RIMS2: variants seen among roughly 807,000 people sequenced by gnomAD.
RIMS2 encodes the protein regulating synaptic membrane exocytosis protein 2.
RIMS2 carries 59 observed loss-of-function variants against 174.4 expected under a neutral mutation model. The observed-to-expected ratio is 0.34, with a 90% confidence interval of 0.27 to 0.42. The LOEUF is 0.42. RIMS2 is among the 10% of genes least tolerant of loss of function. The pLI is 1.00. For missense variants in RIMS2, 1,620 were observed against 1,666.3 expected (o/e 0.97, Z 0.48); for synonymous variants, 606 against 572.5 (o/e 1.06, Z -0.84).
chr8:104,246,428 A>G (rs1198870250), intron 20 of RIMS2, among the ~76,000 whole-genome samples: 1 of 151,758 alleles, frequency 6.6e-6, no homozygotes, highest in Non-Finnish European at 1.5e-5. Flanking sequence ...ATGGTTCTAG[A>G]TGCTAGAGAT....
intron 19 of RIMS2, among the ~76,000 whole-genome samples, chr8:104,184,526 T>A (rs943313276): frequency 2.0e-5 from 3 of 151,568 alleles, no homozygotes; most frequent in African/African-American, 7.2e-5. Context: ...GAAATATGTC[T>A]TGCTTGATTC....
At chr8:103,981,946 A>T (rs555600589) in intron 16 of RIMS2, among the ~76,000 whole-genome samples, 5 of 152,202 alleles carry the variant, frequency 3.3e-5, no homozygotes, top group African/African-American at 1.2e-4. Flanking sequence ...AGAAAACAAT[A>T]CAAAAGATCA....
chr8:104,119,440 T>C (rs2098337611), intron 19 of RIMS2, among the ~76,000 whole-genome samples: 1 of 152,134 alleles, frequency 6.6e-6, no homozygotes, highest in Non-Finnish European at 1.5e-5. Flanking sequence ...TTTATATATA[T>C]GGCAGTTAAG....
At chr8:104,101,091 T>A (rs1566397467) in intron 19 of RIMS2, among the ~76,000 whole-genome samples, 2 of 130,562 alleles carry the variant, frequency 1.5e-5, no homozygotes, top group African/African-American at 5.7e-5. Flanking sequence ...ATATATGTAA[T>A]ATATAATATT....
chr8:104,143,301 A>C (rs750595935), intron 19 of RIMS2, among the ~76,000 whole-genome samples: 6 of 152,242 alleles, frequency 3.9e-5, no homozygotes, highest in Non-Finnish European at 5.9e-5. Flanking sequence ...TAGTAATTTC[A>C]GCTACCACAT....
intron 13 of RIMS2, among the ~76,000 whole-genome samples, chr8:103,939,802 A>G (rs2082116544): frequency 6.6e-6 from 1 of 152,148 alleles, no homozygotes; most frequent in Non-Finnish European, 1.5e-5. Flanking sequence ...CATCTCCCTC[A>G]AGTTCAAAAT....
intron 19 of RIMS2, among the ~76,000 whole-genome samples, chr8:104,132,934 A>G (rs1483552606): frequency 6.6e-6 from 1 of 152,218 alleles, no homozygotes; most frequent in Non-Finnish European, 1.5e-5. Flanking sequence ...CCCAGACCTA[A>G]TGAACCAAAA....
At chr8:104,102,256 C>G (rs2097916966) in intron 19 of RIMS2, among the ~76,000 whole-genome samples, 1 of 152,080 alleles carries the variant, frequency 6.6e-6, no homozygotes, top group East Asian at 1.9e-4. Flanking sequence ...AAATAAATAA[C>G]TTACTCCTCC....
intron 19 of RIMS2, among the ~76,000 whole-genome samples, chr8:104,050,301 C>A (rs765589367): frequency 1.3e-5 from 2 of 152,082 alleles, no homozygotes; most frequent in African/African-American, 2.4e-5. Context: ...CATAGACATA[C>A]AAGATCTCCC....
intron 1 of RIMS2, among the ~76,000 whole-genome samples, chr8:103,569,591 G>T (rs950769557): frequency 1.8e-4 from 27 of 151,538 alleles, no homozygotes; most frequent in African/African-American, 6.5e-4. Flanking sequence ...TATTAAATTT[G>T]TACCTCAGTA....
At chr8:104,004,518 A>G (rs995855873) in intron 17 of RIMS2, among the ~76,000 whole-genome samples, 1 of 151,926 alleles carries the variant, frequency 6.6e-6, no homozygotes, top group African/African-American at 2.4e-5. Flanking sequence ...GTGAGGGGGG[A>G]AAAAACAGGT....
intron 19 of RIMS2, among the ~76,000 whole-genome samples, chr8:104,045,434 C>G (rs1346107085): frequency 1.3e-5 from 2 of 151,778 alleles, no homozygotes; most frequent in Non-Finnish European, 3.0e-5. Context: ...TTTCATATGA[C>G]AATTTTTTAA....
intron 19 of RIMS2, among the ~76,000 whole-genome samples, chr8:104,184,366 T>G (rs113867791): frequency 6.6e-6 from 1 of 151,574 alleles, no homozygotes; most frequent in African/African-American, 2.4e-5. Context: ...TCTTAAGGTA[T>G]CTATACTCAA....
chr8:104,213,890 AGAAG>A (rs1189298972), intron 19 of RIMS2, among the ~76,000 whole-genome samples: 43 of 115,972 alleles, frequency 3.7e-4, no homozygotes, highest in South Asian at 1.3e-3. Flanking sequence ...AAAAAAAAAA[AGAAG>A]AAGAAGAAGA....
chr8:103,677,220 A>G (rs576396903), intron 1 of RIMS2, among the ~76,000 whole-genome samples: 1 of 152,170 alleles, frequency 6.6e-6, no homozygotes, highest in South Asian at 2.1e-4. Context: ...CCGCTTGATC[A>G]ACTTAGCCAA....
Position 103,942,915 on chromosome 8 carries a change from G to C in RIMS2, c.2690G>C (p.Arg897Pro), listed in dbSNP as rs376486274. The change falls in exon 14 of 24, where the codon CGG (arginine) becomes CCG (proline). Residue 897 changes from arginine (R) to proline (P), a missense_variant. By Grantham distance (103) the Arg-to-Pro change is moderately radical. Around this residue, in one of 2 missense-constraint regions of RIMS2, gnomAD observed 1,395 missense variants for 1,360.1 expected, o/e 1.03. Coordinates refer to ENST00000504942, the Ensembl canonical transcript of RIMS2. ...CAGCTCCATGGAGAGAGCCCAACAC[G>C]GAGGTTGCAAAGTAAGTTTTACTAA... 2.1e-5 allele frequency: 33 copies of C among 1,603,742 alleles called. No individual in the cohort carries two copies. Among genetic ancestry groups the C allele is most frequent in the Non-Finnish European group, 2.7e-5 (32 of 1,175,764 alleles).
At chr8:103,990,648 A>G (rs1473630264) in intron 17 of RIMS2, among the ~76,000 whole-genome samples, 1 of 152,036 alleles carries the variant, frequency 6.6e-6, no homozygotes, top group Non-Finnish European at 1.5e-5. Context: ...AGGATGAATG[A>G]AGAGGTATTT....
intron 15 of RIMS2, among the ~76,000 whole-genome samples, chr8:103,973,889 T>C (rs1167531907): frequency 1.3e-5 from 2 of 152,164 alleles, no homozygotes; most frequent in Non-Finnish European, 2.9e-5. Context: ...TGTTAACAAC[T>C]CACAGCTGTC....
rs1332150030 is a variant in RIMS2 at position 103,732,923 on chromosome 8, ACC to A, written c.388-33303_388-33302del. Among the ~76,000 whole-genome samples, 10 of 152,210 alleles carry A rather than the reference ACC, an allele frequency of 6.6e-5. No individual in the cohort carries two copies. In the East Asian group the frequency reaches 1.9e-3, roughly 29 times the overall value. ...ACTCCATGAGCTCACTTGGTGCTCTACCACACTGTCACTGAGCTGGTACACCT... is the reference window on the plus strand; with the variant it reads ...ACTCCATGAGCTCACTTGGTGCTCTAACACTGTCACTGAGCTGGTACACCT... On this transcript the variant is annotated intron_variant, in intron 2 of 23. Transcript: ENST00000504942.
Sources: gnomAD v4.1 joint callset for allele counts (sites outside exome capture counted in the v4.1 genomes callset) on GRCh38, gnomAD v4.1.1 for gene constraint, gnomAD v4.1.1 regional missense constraint, MANE v1.5 for transcripts, NCBI Gene and HGNC (gene_info 2026-07-23, HGNC 2026-07-21) for gene names.